ANO3: variants seen among roughly 807,000 people sequenced by gnomAD.
ANO3 encodes the protein anoctamin-3.
A neutral mutation model predicts 144.8 loss-of-function variants in ANO3; 99 were observed. The observed-to-expected ratio is 0.68, with a 90% CI of 0.58 to 0.81. ANO3 has a LOEUF of 0.81. ANO3 is among the 30% of genes least tolerant of loss of function. The pLI is 0.00. For synonymous variants in ANO3, 414 were observed against 392.6 expected (o/e 1.05, Z -0.64); for missense variants, 905 against 1,202.2 (o/e 0.75, Z 3.66).
At chr11:26,339,924 A>C (rs937814420) in intron 1 of ANO3, among the ~76,000 whole-genome samples, 2 of 152,204 alleles carry the variant, frequency 1.3e-5, no homozygotes, top group Non-Finnish European at 2.9e-5. Context: ...GCTATGTAGG[A>C]AGCCTGCAGC....
intron 17 of ANO3, among the ~76,000 whole-genome samples, chr11:26,616,215 A>C (rs1852257143): frequency 6.6e-6 from 1 of 152,206 alleles, no homozygotes. Context: ...GCTAAATAAA[A>C]GCCACTTTCC....
intron 8 of ANO3, among the ~76,000 whole-genome samples, chr11:26,532,212 A>T (rs914956897): frequency 2.6e-5 from 4 of 152,152 alleles, no homozygotes; most frequent in African/African-American, 9.7e-5. Context: ...TTATCTCATT[A>T]CTTATTCTTG....
At chr11:26,411,122 G>A (rs1242887400) in intron 1 of ANO3, among the ~76,000 whole-genome samples, 1 of 151,990 alleles carries the variant, frequency 6.6e-6, no homozygotes, top group Non-Finnish European at 1.5e-5. Flanking sequence ...CTACTCAGAT[G>A]TAGCTGAGGA....
At chr11:26,532,910 T>C (rs1385454265) in intron 8 of ANO3, among the ~76,000 whole-genome samples, 1 of 152,234 alleles carries the variant, frequency 6.6e-6, no homozygotes, top group Non-Finnish European at 1.5e-5. Flanking sequence ...GCATCAGCTA[T>C]TTCATCTCTC....
chr11:26,504,625 G>A (rs1861340847), intron 4 of ANO3, among the ~76,000 whole-genome samples: 1 of 152,120 alleles, frequency 6.6e-6, no homozygotes, highest in African/African-American at 2.4e-5. Flanking sequence ...AACTTGGAGA[G>A]CAACTGGAGG....
In ANO3 at chr11:26,441,931, C is replaced by A; in HGVS notation, c.60C>A (p.Ser20Arg). 6.2e-7 allele frequency: 1 copy of A among 1,613,276 alleles called. No homozygotes were observed. The highest frequency in any genetic ancestry group is 8.5e-7 in the Non-Finnish European group (1 of 1,179,694). ...TTGGATTTGCAGGTATGAATATAAG[C>A]AAGAGTGAGATAACAAAAGAAACTT... ...SFKQQKGMNI[S>R]KSEITKETSL... The change falls in exon 2 of 27, where the codon AGC (serine) becomes AGA (arginine). Residue 20 changes from serine to arginine, a missense_variant. This residue lies in a region of ANO3 where 174 missense variants were observed against 171.9 expected (regional missense o/e 1.01). Coordinates refer to ENST00000256737, the MANE Select transcript of ANO3 (RefSeq NM_031418.4).
At chr11:26,569,027 G>A (rs1013778930) in intron 14 of ANO3, among the ~76,000 whole-genome samples, 2 of 151,936 alleles carry the variant, frequency 1.3e-5, no homozygotes, top group African/African-American at 4.8e-5. Context: ...AATGTCCTTA[G>A]CTGTTCTTCT....
chr11:26,413,890 G>T (rs1857498269), intron 1 of ANO3, among the ~76,000 whole-genome samples: 1 of 152,006 alleles, frequency 6.6e-6, no homozygotes, highest in South Asian at 2.1e-4. Context: ...TTGAATGAAG[G>T]TTAAATTAAG....
In ANO3 at chr11:26,428,987, G is replaced by A. The variant is rs1378722921; in HGVS notation, c.47-12931G>A. On this transcript the variant is annotated intron_variant, in intron 1 of 26. Coordinates refer to ENST00000256737, the MANE Select transcript of ANO3 (RefSeq NM_031418.4). ...GAACATCCTCTCCCCCATTATCAGAGCTGAGTCGTAGACCTTGCTAGAAGG... is the reference window on the plus strand; with the variant it reads ...GAACATCCTCTCCCCCATTATCAGAACTGAGTCGTAGACCTTGCTAGAAGG... 3.9e-5 allele frequency among the ~76,000 whole-genome samples: 6 copies of A among 152,314 alleles called. No individual in the cohort carries two copies. The East Asian group carries it at 9.7e-4, about 25-fold the overall frequency.
intron 1 of ANO3, among the ~76,000 whole-genome samples, chr11:26,202,790 G>T (rs1851724077): frequency 6.6e-6 from 1 of 151,942 alleles, no homozygotes; most frequent in South Asian, 2.1e-4. Context: ...TCATTCCTCT[G>T]GATGTCTAGA....
intron 1 of ANO3, among the ~76,000 whole-genome samples, chr11:26,201,694 G>C (rs763174779): frequency 6.6e-6 from 1 of 151,304 alleles, no homozygotes; most frequent in Non-Finnish European, 1.5e-5. Flanking sequence ...CTAAGCTCAT[G>C]AATGTCATGA....
exon 1 of ANO3, among the ~76,000 whole-genome samples, chr11:26,188,962 A>T (rs1270205437): frequency 6.6e-6 from 1 of 152,142 alleles, no homozygotes; most frequent in African/African-American, 2.4e-5. Context: ...CATCCATCCT[A>T]TTGAAGTTAA....
Position 26,371,219 on chromosome 11 carries a change from C to A in ANO3, c.46+38898C>A, listed in dbSNP as rs1199025758. 3.3e-5 allele frequency among the ~76,000 whole-genome samples: 5 copies of A among 152,236 alleles called. No individual in the cohort carries two copies. The East Asian group carries it at 5.8e-4, about 18-fold the overall frequency. ...GCCATGGGTAAAAGGGGCCAAGGTA[C>A]ATCTTGAGCCATTGCTTCAGAGTGT... On this transcript the variant is annotated intron_variant, in intron 1 of 26. Coordinates refer to ENST00000256737, the MANE Select transcript of ANO3 (RefSeq NM_031418.4).
intron 13 of ANO3, among the ~76,000 whole-genome samples, chr11:26,556,824 C>T (rs540069797): frequency 1.3e-5 from 2 of 152,230 alleles, no homozygotes; most frequent in South Asian, 4.1e-4. Context: ...CCAGTAATAG[C>T]TCTGCATACA....
intron 4 of ANO3, among the ~76,000 whole-genome samples, chr11:26,500,622 C>T (rs552529533): frequency 2.0e-5 from 3 of 152,108 alleles, no homozygotes; most frequent in East Asian, 1.9e-4. Flanking sequence ...CTATTCAAAT[C>T]ATTCATCCAT....
At chr11:26,498,959 G>C (rs1267788066) in intron 4 of ANO3, among the ~76,000 whole-genome samples, 4 of 151,856 alleles carry the variant, frequency 2.6e-5, no homozygotes, top group African/African-American at 9.7e-5. Flanking sequence ...AGATACATTT[G>C]TACTGTCATA....
chr11:26,385,074 ATT>A (rs765608693), intron 1 of ANO3, among the ~76,000 whole-genome samples: 62 of 152,324 alleles, frequency 4.1e-4, no homozygotes, highest in Admixed American at 1.4e-3. Context: ...TGGTATTAAT[ATT>A]CTTAGTGTAA....
At chr11:26,612,820 A>G (rs1320944735) in intron 17 of ANO3, among the ~76,000 whole-genome samples, 2 of 151,946 alleles carry the variant, frequency 1.3e-5, no homozygotes, top group African/African-American at 4.8e-5. Flanking sequence ...AAATATAACA[A>G]CCCATTTTCT....
intron 1 of ANO3, among the ~76,000 whole-genome samples, chr11:26,223,456 T>A (rs540738362): frequency 6.6e-6 from 1 of 152,066 alleles, no homozygotes; most frequent in East Asian, 1.9e-4. Context: ...TCCCTCATCT[T>A]GTTGTCTTCT....
Sources: gnomAD v4.1 joint callset for allele counts (sites outside exome capture counted in the v4.1 genomes callset) on GRCh38, gnomAD v4.1.1 for gene constraint, gnomAD v4.1.1 regional missense constraint, MANE v1.5 for transcripts, NCBI Gene and HGNC (gene_info 2026-07-23, HGNC 2026-07-21) for gene names.